ACCSL: variants seen among roughly 807,000 people sequenced by gnomAD.
ACCSL encodes the protein probable inactive 1-aminocyclopropane-1-carboxylate synthase-like protein 2.
ACCSL carries 55 observed loss-of-function variants against 61.7 expected under a neutral mutation model. The observed-to-expected ratio is 0.89, with a 90% CI of 0.72 to 1.12. ACCSL has a LOEUF of 1.12. Ranked by LOEUF, ACCSL falls within the 50% of genes most tolerant of loss-of-function variation. The probability of loss-of-function intolerance (pLI) is 0.00; values close to 1 mark genes in which losing one functional copy is unlikely to be tolerated. For missense variants in ACCSL, 632 were observed against 698.0 expected, an observed-to-expected ratio of 0.91 and a Z score of 1.07; for synonymous variants, 258 against 264.3, an observed-to-expected ratio of 0.98 and a Z score of 0.23.
intron 2 of ACCSL, 63 bp downstream of exon 2, chr11:44,050,184 C>A: frequency 7.1e-7 from 1 of 1,403,668 alleles, no homozygotes; most frequent in South Asian, 1.2e-5. Flanking sequence ...CTAGCGTGCT[C>A]CTGAGCTATG....
At chr11:43,990,635 G>T in the ACCSL span, among the ~76,000 whole-genome samples, 4 of 152,290 alleles carry the variant, frequency 2.6e-5, no homozygotes, top group South Asian at 6.2e-4. Context: ...TTAATGCTAG[G>T]TCTTGTTATC....
chr11:43,981,077 G>C, the ACCSL span, among the ~76,000 whole-genome samples: 2 of 150,318 alleles, frequency 1.3e-5, no homozygotes, highest in Non-Finnish European at 3.0e-5. Flanking sequence ...AAGGGGATGG[G>C]GAAACAAGAT....
the ACCSL span, among the ~76,000 whole-genome samples, chr11:44,024,411 ATC>A: frequency 1.4e-5 from 2 of 138,114 alleles, no homozygotes; most frequent in Non-Finnish European, 3.1e-5. Context: ...TCCCATGTAT[ATC>A]TCTCTCTCTC....
chr11:44,011,223 G>T, the ACCSL span, among the ~76,000 whole-genome samples: 1 of 152,076 alleles, frequency 6.6e-6, no homozygotes, highest in African/African-American at 2.4e-5. Flanking sequence ...TGCTCAACAG[G>T]TACATCCTCC....
the ACCSL span, among the ~76,000 whole-genome samples, chr11:44,002,697 G>A: frequency 6.6e-6 from 1 of 152,234 alleles, no homozygotes; most frequent in East Asian, 1.9e-4. Context: ...GCCTTCTGTG[G>A]GTCTGAATGC....
the ACCSL span, among the ~76,000 whole-genome samples, chr11:44,002,969 A>G: frequency 6.6e-6 from 1 of 152,166 alleles, no homozygotes; most frequent in African/African-American, 2.4e-5. Context: ...AGACACCATC[A>G]TGCAGGGTCA....
the ACCSL span, among the ~76,000 whole-genome samples, chr11:43,987,570 G>A: frequency 2.0e-5 from 3 of 152,138 alleles, no homozygotes; most frequent in African/African-American, 4.8e-5. Context: ...GAGGGAAGCA[G>A]GACAGGAAGT....
the ACCSL span, among the ~76,000 whole-genome samples, chr11:43,958,552 C>A: frequency 6.6e-6 from 1 of 152,224 alleles, no homozygotes; most frequent in Non-Finnish European, 1.5e-5. Context: ...ATTACTCTTT[C>A]TCTATTGCAA....
chr11:43,958,995 A>T, the ACCSL span, among the ~76,000 whole-genome samples: 1 of 152,168 alleles, frequency 6.6e-6, no homozygotes, highest in Non-Finnish European at 1.5e-5. Context: ...AGAAGGGCAG[A>T]AAAGGGCCCA....
the ACCSL span, among the ~76,000 whole-genome samples, chr11:43,988,861 C>T: frequency 7.2e-6 from 1 of 138,394 alleles, no homozygotes; most frequent in Non-Finnish European, 1.5e-5. Flanking sequence ...GACTTGAGCT[C>T]CTGGGCTCAA....
the ACCSL span, among the ~76,000 whole-genome samples, chr11:43,984,630 G>A: frequency 2.6e-5 from 4 of 152,272 alleles, no homozygotes; most frequent in African/African-American, 4.8e-5. Flanking sequence ...TGTGGCGTCC[G>A]AAAGGACATT....
chr11:43,970,623 A>G, the ACCSL span, among the ~76,000 whole-genome samples: 5 of 152,196 alleles, frequency 3.3e-5, no homozygotes, highest in South Asian at 8.3e-4. Context: ...CAATCTGTGA[A>G]TTTTTTAAAA....
chr11:43,996,023 C>A, the ACCSL span, among the ~76,000 whole-genome samples: 4 of 152,176 alleles, frequency 2.6e-5, no homozygotes, highest in African/African-American at 9.7e-5. Flanking sequence ...GGCACAGAGG[C>A]AGACACAGAG....
chr11:44,048,645 C>G lies in ACCSL; in HGVS notation c.504+105C>G, dbSNP rs541794514. On this transcript the variant is annotated intron_variant, in intron 1 of 13. Coordinates refer to ENST00000378832, the MANE Select transcript of ACCSL (RefSeq NM_001031854.2). The stretch of plus-strand genomic sequence containing the variant: ...TATATATGCTCTCATTCTTTATAGC[C>G]TTATGAAACGGGCACTCTTGTCATC... The G allele has an allele frequency of 1.1e-5, 12 of 1,134,690 alleles. No individual in the cohort carries two copies. In the East Asian group the frequency reaches 1.9e-4, roughly 18 times the overall value. The allele number at this position is 1,134,690 out of a possible 1,614,324, so 70.3% of individuals were successfully genotyped here. A position where few individuals can be genotyped will look rare whatever the true frequency, so the allele number is the denominator to read the frequency against.
the ACCSL span, among the ~76,000 whole-genome samples, chr11:43,968,895 A>G: frequency 1.3e-5 from 2 of 152,148 alleles, no homozygotes; most frequent in African/African-American, 4.8e-5. Context: ...CTATCAGCCC[A>G]TGAGAAACAG....
chr11:43,943,122 C>T, the ACCSL span: 2 of 1,497,322 alleles, frequency 1.3e-6, no homozygotes, highest in Non-Finnish European at 8.9e-7. The surrounding 1 kb of genome is among the most constrained non-coding windows in gnomAD (Gnocchi z 4.8). Context: ...GGGGTGTCCC[C>T]CATGGAGGAG....
the ACCSL span, among the ~76,000 whole-genome samples, chr11:44,015,757 A>G: frequency 6.6e-6 from 1 of 152,224 alleles, no homozygotes; most frequent in Non-Finnish European, 1.5e-5. Flanking sequence ...GGGCTGCGTC[A>G]TCAGATAGAT....
chr11:43,927,170 C>T, the ACCSL span, among the ~76,000 whole-genome samples: 1 of 152,186 alleles, frequency 6.6e-6, no homozygotes, highest in Admixed American at 6.5e-5. Context: ...TACATTGGTG[C>T]CTGCCATTAA....
At chr11:43,965,238 C>G in the ACCSL span, among the ~76,000 whole-genome samples, 1 of 152,100 alleles carries the variant, frequency 6.6e-6, no homozygotes, top group Non-Finnish European at 1.5e-5. Flanking sequence ...TAATAACAAA[C>G]AAATTCAGAA....
Sources: allele counts gnomAD v4.1 joint callset (sites outside exome capture counted in the v4.1 genomes callset), GRCh38; gene constraint gnomAD v4.1.1; non-coding constraint Gnocchi (gnomAD v3.1); transcripts MANE v1.5; gene names NCBI Gene and HGNC (gene_info 2026-07-23, HGNC 2026-07-21).